MYO1D: variants seen among roughly 807,000 people sequenced by gnomAD.
The protein encoded by MYO1D is myosin ID.
In MYO1D, 83 loss-of-function variants were observed where a neutral mutation model predicts 122.0. The observed-to-expected ratio is 0.68, with a 90% CI of 0.57 to 0.82. The LOEUF (loss-of-function observed/expected upper bound fraction) is 0.82, where lower values mean the gene tolerates loss of function less well. MYO1D is among the 40% of genes least tolerant of loss of function. The pLI is 0.00. For synonymous variants in MYO1D, 464 were observed against 446.9 expected (o/e 1.04, Z -0.48); for missense variants, 1,157 against 1,269.5 (o/e 0.91, Z 1.35).
At chr17:32,664,787 T>C (rs2088615021) in intron 16 of MYO1D, among the ~76,000 whole-genome samples, 1 of 152,206 alleles carries the variant, frequency 6.6e-6, no homozygotes, top group Non-Finnish European at 1.5e-5. Context: ...TCCTTGCAAC[T>C]GAGGTGCCAA....
At chr17:32,752,369 C>G (rs2151011308) in intron 11 of MYO1D, among the ~76,000 whole-genome samples, 1 of 152,226 alleles carries the variant, frequency 6.6e-6, no homozygotes, top group African/African-American at 2.4e-5. Context: ...TTGGCCTAGG[C>G]AAAGAATTTA....
chr17:32,537,727 T>C (rs1910705477), intron 21 of MYO1D, among the ~76,000 whole-genome samples: 2 of 152,240 alleles, frequency 1.3e-5, no homozygotes, highest in South Asian at 4.1e-4. Flanking sequence ...AATGTCATCC[T>C]AGTACGCTAC....
At position 32,764,867 on chromosome 17, in the gene MYO1D, T is replaced by C. The variant is rs2090038647; in HGVS notation, c.1035+11A>G. 1.2e-6 allele frequency: 2 copies of C among 1,613,672 alleles called. No individual in the cohort carries two copies. Among genetic ancestry groups the C allele is most frequent in the Non-Finnish European group, 1.7e-6 (2 of 1,179,896 alleles). On this transcript the variant is annotated intron_variant, in intron 8 of 21. Coordinates refer to ENST00000318217, the MANE Select transcript of MYO1D (RefSeq NM_015194.3). ...CAACACCAGGTGACATAGGGTCAGT[T>C]ACACTCTCACCTTGGCAAAGGCGTC...
At chr17:32,735,916 T>C (rs1025077693) in intron 14 of MYO1D, among the ~76,000 whole-genome samples, 1 of 152,184 alleles carries the variant, frequency 6.6e-6, no homozygotes, top group Non-Finnish European at 1.5e-5. Flanking sequence ...TTGAGCTTTC[T>C]GCATAGTGTT....
At position 32,760,570 on chromosome 17, in the gene MYO1D, C is replaced by A. The variant is rs1419979580; in HGVS notation, c.1093G>T (p.Val365Phe). Residue 365 changes from valine (V) to phenylalanine (F), a missense_variant, in exon 9 of 22, where the codon GTC becomes TTC. By Grantham distance (50) the Val-to-Phe change is conservative. Coordinates refer to ENST00000318217, the MANE Select transcript of MYO1D (RefSeq NM_015194.3). ...IVTRINDIIE[V>F]KNYDTTIHGK... ...TGGATTGTGGTGTCATAGTTCTTGA[C>A]CTCAATAATATCATTGATGCGAGTA... 3 of 1,613,820 alleles carry A rather than the reference C, an allele frequency of 1.9e-6. No individual in the cohort carries two copies. Among genetic ancestry groups the A allele is most frequent in the South Asian group, 1.1e-5 (1 of 91,038 alleles).
intron 21 of MYO1D, among the ~76,000 whole-genome samples, chr17:32,538,249 A>G (rs918288905): frequency 2.0e-5 from 3 of 150,834 alleles, no homozygotes; most frequent in African/African-American, 4.9e-5. Flanking sequence ...ATTGGGAGGG[A>G]GTAGTCAAAG....
intron 15 of MYO1D, among the ~76,000 whole-genome samples, chr17:32,715,449 T>G (rs1356960653): frequency 6.6e-6 from 1 of 152,190 alleles, no homozygotes; most frequent in African/African-American, 2.4e-5. Flanking sequence ...ATCTCTTTTC[T>G]TAGATTCCAT....
chr17:32,869,481 G>T (rs1305017240), intron 1 of MYO1D, among the ~76,000 whole-genome samples: 1 of 152,178 alleles, frequency 6.6e-6, no homozygotes, highest in Non-Finnish European at 1.5e-5. Flanking sequence ...AAAGTTCCCC[G>T]ACTTAGCAGT....
chr17:32,615,731 A>G (rs553317258), intron 20 of MYO1D, among the ~76,000 whole-genome samples: 2 of 152,226 alleles, frequency 1.3e-5, no homozygotes, highest in South Asian at 4.1e-4. Context: ...TCTTCCAGAC[A>G]GACTAAACGA....
chr17:32,780,604 T>C lies in MYO1D; in HGVS notation c.276A>G (p.Arg92=), dbSNP rs1270776143. Residue 92 remains arginine (R), a synonymous_variant, in exon 2 of 22, where the codon CGA becomes CGG. Coordinates refer to ENST00000318217, the MANE Select transcript of MYO1D (RefSeq NM_015194.3). ...ADAAYKAMKR[R]SKDTCIVISG... ...ATATCACAATACAAGTGTCTTTTGA[T>C]CGCCTCTTCATAGCCTTGTAAGCAG... is the stretch of plus-strand genomic sequence containing the variant. The C allele has an allele frequency of 6.2e-7, 1 of 1,614,140 alleles. No individual in the cohort carries two copies.
At position 32,757,854 on chromosome 17, in the gene MYO1D, C is replaced by A. The variant is rs151258409; in HGVS notation, c.1297-2192G>T. ...AGGTTTCCTAAGGGATACCAGGAGC[C>A]AGAAGACTTGTGATGGGGTAGCTTA... On this transcript the variant is annotated intron_variant, in intron 10 of 21. Transcript: ENST00000318217. Among the ~76,000 whole-genome samples the A allele has an allele frequency of 2.8e-3, 426 of 152,252 alleles. 2 individuals carry two copies. The highest frequency in any genetic ancestry group is 1.0e-2 in the African/African-American group (415 of 41,556).
At chr17:32,647,659 A>G (rs1216772750) in intron 19 of MYO1D, among the ~76,000 whole-genome samples, 1 of 149,008 alleles carries the variant, frequency 6.7e-6, no homozygotes, top group Admixed American at 6.7e-5. Context: ...CCTTTGTTAT[A>G]TTTACAAACT....
intron 13 of MYO1D, among the ~76,000 whole-genome samples, chr17:32,738,653 T>G (rs113106613): frequency 6.6e-5 from 10 of 152,178 alleles, no homozygotes; most frequent in African/African-American, 2.4e-4. Flanking sequence ...TTATTATACC[T>G]ACCTAGGACC....
intron 20 of MYO1D, among the ~76,000 whole-genome samples, chr17:32,634,819 A>G (rs545584382): frequency 1.8e-4 from 27 of 152,242 alleles, no homozygotes; most frequent in African/African-American, 5.8e-4. Context: ...AACCTGGCCT[A>G]TCTGAAGCAC....
At chr17:32,708,549 A>T (rs1274314736) in intron 16 of MYO1D, among the ~76,000 whole-genome samples, 2 of 152,218 alleles carry the variant, frequency 1.3e-5, no homozygotes, top group Non-Finnish European at 2.9e-5. Context: ...CTATAAGGAT[A>T]CAGAAAAAGT....
At chr17:32,591,909 C>A (rs926011306) in intron 21 of MYO1D, among the ~76,000 whole-genome samples, 1 of 152,056 alleles carries the variant, frequency 6.6e-6, no homozygotes, top group African/African-American at 2.4e-5. Flanking sequence ...ATTCTAATGC[C>A]GATGGAGCCC....
At chr17:32,730,117 T>C (rs2089620484) in intron 14 of MYO1D, among the ~76,000 whole-genome samples, 1 of 151,498 alleles carries the variant, frequency 6.6e-6, no homozygotes, top group South Asian at 2.1e-4. Context: ...TCTTTGTTTT[T>C]ATTGTTTTTT....
intron 1 of MYO1D, among the ~76,000 whole-genome samples, chr17:32,817,034 CT>C (rs2090618642): frequency 6.6e-6 from 1 of 152,074 alleles, no homozygotes; most frequent in Non-Finnish European, 1.5e-5. Context: ...TAATGAGGTA[CT>C]AGATGTATTG....
intron 16 of MYO1D, among the ~76,000 whole-genome samples, chr17:32,704,278 C>A (rs1251987171): frequency 6.6e-6 from 1 of 152,190 alleles, no homozygotes; most frequent in Non-Finnish European, 1.5e-5. Context: ...TTATAAAAAT[C>A]TCACTGGCTA....
Sources: allele counts gnomAD v4.1 joint callset (sites outside exome capture counted in the v4.1 genomes callset), GRCh38; gene constraint gnomAD v4.1.1; transcripts MANE v1.5; gene names NCBI Gene and HGNC (gene_info 2026-07-23, HGNC 2026-07-21).